Variants in DOCK3 observed in about 807,000 individuals in gnomAD.
The protein encoded by DOCK3 is dedicator of cytokinesis 3.
Under a neutral mutation model 265.6 loss-of-function variants are expected in DOCK3, and 60 were observed. The ratio of observed to expected loss-of-function variants is 0.23; its 90% CI spans 0.18 to 0.28. DOCK3 has a LOEUF of 0.28. Among genes scored for constraint, DOCK3 ranks in the 10% least tolerant of loss-of-function variants. DOCK3 has a pLI of 1.00. For synonymous variants in DOCK3, 881 were observed against 938.0 expected (o/e 0.94, Z 1.11); for missense variants, 1,981 against 2,594.3 (o/e 0.76, Z 5.14).
At position 51,348,856 on chromosome 3, in the gene DOCK3, G is replaced by T. The variant is rs867351507; in HGVS notation, c.3920G>T (p.Trp1307Leu). 6.3e-7 allele frequency: 1 copy of T among 1,576,612 alleles called. No individual in the cohort carries two copies. Among genetic ancestry groups the T allele is most frequent in the Non-Finnish European group, 8.6e-7 (1 of 1,160,846 alleles). The change falls in exon 39 of 53, where the codon TGG becomes TTG. Residue 1307 changes from tryptophan to leucine, a missense_variant. By Grantham distance (61) the Trp-to-Leu change is moderately conservative. Coordinates refer to ENST00000266037, the MANE Select transcript of DOCK3 (RefSeq NM_004947.5). ...IIHYFNKGKS[W>L]EFGIPLCREL... is the part of the protein sequence containing the mutation. ...CTGTTTCTGTTTCTGACACAGAGCT[G>T]GGAGTTTGGGATCCCACTGTGCAGG...
intron 2 of DOCK3, among the ~76,000 whole-genome samples, chr3:50,785,784 T>C (rs957363408): frequency 3.3e-5 from 5 of 152,204 alleles, no homozygotes; most frequent in African/African-American, 7.2e-5. Context: ...TTTTTTGTTA[T>C]GTCCTATCCT....
chr3:51,279,234 A>T (rs1365908349), intron 26 of DOCK3, among the ~76,000 whole-genome samples: 1 of 152,166 alleles, frequency 6.6e-6, no homozygotes, highest in Non-Finnish European at 1.5e-5. Context: ...ACTGGGTGAT[A>T]AGAGCAAAAC....
At chr3:51,277,077 C>T (rs749149907) in intron 25 of DOCK3, among the ~76,000 whole-genome samples, 11 of 152,048 alleles carry the variant, frequency 7.2e-5, no homozygotes, top group African/African-American at 2.2e-4. Context: ...GCAGCAGTCC[C>T]GGCTGGCAAA....
At chr3:50,799,311 G>T (rs1483839546) in intron 2 of DOCK3, among the ~76,000 whole-genome samples, 1 of 152,076 alleles carries the variant, frequency 6.6e-6, no homozygotes, top group East Asian at 1.9e-4. Flanking sequence ...GGGTAGTATG[G>T]CCATTTCAAC....
intron 3 of DOCK3, among the ~76,000 whole-genome samples, chr3:50,887,189 C>T (rs201398999): frequency 8.6e-5 from 13 of 151,954 alleles, no homozygotes; most frequent in South Asian, 2.1e-4. Context: ...ATATCACCAC[C>T]GATCCCACAG....
At chr3:50,796,049 T>A (rs1400869447) in intron 2 of DOCK3, among the ~76,000 whole-genome samples, 1 of 152,040 alleles carries the variant, frequency 6.6e-6, no homozygotes, top group Non-Finnish European at 1.5e-5. Context: ...TGGTTATTTT[T>A]TTTTTTTTTC....
chr3:51,173,614 AT>A (rs968144265), intron 12 of DOCK3, among the ~76,000 whole-genome samples: 3 of 152,108 alleles, frequency 2.0e-5, no homozygotes, highest in Non-Finnish European at 4.4e-5. Flanking sequence ...TATTCTTGGG[AT>A]TTTTTTTAAG....
chr3:51,014,731 A>T (rs975855996), intron 5 of DOCK3, among the ~76,000 whole-genome samples: 4 of 152,082 alleles, frequency 2.6e-5, no homozygotes, highest in South Asian at 4.1e-4. Flanking sequence ...GAATCAGTAG[A>T]TTGCTTTGGG....
intron 14 of DOCK3, among the ~76,000 whole-genome samples, chr3:51,223,117 T>C (rs2090176139): frequency 6.6e-6 from 1 of 152,132 alleles, no homozygotes; most frequent in Non-Finnish European, 1.5e-5. Flanking sequence ...TTTAAAAAAT[T>C]TGTTTTGAAG....
intron 4 of DOCK3, among the ~76,000 whole-genome samples, chr3:50,927,653 G>A (rs762855393): frequency 7.9e-5 from 12 of 152,126 alleles, no homozygotes; most frequent in South Asian, 2.1e-4. Context: ...CCAAGTTGTC[G>A]TTTTTTCAGT....
At position 50,675,366 on chromosome 3, in the gene DOCK3, C is replaced by G. The variant is rs2033860453; in HGVS notation, c.37+66C>G. On this transcript the variant is annotated intron_variant, in intron 1 of 52. Transcript: ENST00000266037. The surrounding 1 kb of genome is among the most constrained non-coding windows in gnomAD (Gnocchi z 6.1). The stretch of plus-strand genomic sequence containing the variant: ...GGACGCGCCCAGCTCCCGGCCCCGC[C>G]TGGATTCGCATCCTCGTGCCCCCGC... 1 of 1,168,646 alleles carries G rather than the reference C, an allele frequency of 8.6e-7. No homozygotes were observed. The highest frequency in any genetic ancestry group is 1.1e-6 in the Non-Finnish European group (1 of 936,362). 72.4% of individuals were successfully genotyped at this position (1,168,646 alleles called of 1,614,324 possible).
intron 5 of DOCK3, among the ~76,000 whole-genome samples, chr3:51,037,166 A>G (rs1391521945): frequency 3.3e-5 from 5 of 152,122 alleles, no homozygotes; most frequent in Non-Finnish European, 4.4e-5. Flanking sequence ...TGTAAATAAT[A>G]TAGGTACAGT....
intron 10 of DOCK3, among the ~76,000 whole-genome samples, chr3:51,150,197 AT>A (rs1302855887): frequency 1.3e-5 from 2 of 151,770 alleles, no homozygotes; most frequent in Admixed American, 6.6e-5. Context: ...CCCCTTTTTC[AT>A]TTTTTATTAT....
At chr3:51,275,734 C>T (rs1043828744) in intron 25 of DOCK3, among the ~76,000 whole-genome samples, 1 of 152,014 alleles carries the variant, frequency 6.6e-6, no homozygotes, top group Admixed American at 6.6e-5. Flanking sequence ...CTTTAGGGGT[C>T]GGGTTTCAAC....
intron 5 of DOCK3, among the ~76,000 whole-genome samples, chr3:51,031,870 G>A (rs1304631951): frequency 6.6e-6 from 1 of 152,144 alleles, no homozygotes; most frequent in Non-Finnish European, 1.5e-5. Context: ...CCTTCCAGAG[G>A]ATGTAGCAAC....
Position 51,277,765 on chromosome 3 carries a change from A to G in DOCK3, c.2823+11A>G, listed in dbSNP as rs375025667. 2 of 1,608,134 alleles carry G rather than the reference A, an allele frequency of 1.2e-6. No individual in the cohort carries two copies. Among genetic ancestry groups the G allele is most frequent in the Non-Finnish European group, 8.5e-7 (1 of 1,177,770 alleles). Reference sequence around the variant, plus strand: ...ACAGCCGAGATCACTGTTAGTAACTAACATCCAGGTTTTCTTGCCTTCTTT... The same window carrying G: ...ACAGCCGAGATCACTGTTAGTAACTGACATCCAGGTTTTCTTGCCTTCTTT... On this transcript the variant is annotated intron_variant, in intron 26 of 52. Coordinates refer to ENST00000266037, the MANE Select transcript of DOCK3 (RefSeq NM_004947.5).
intron 12 of DOCK3, among the ~76,000 whole-genome samples, chr3:51,172,983 C>T (rs772845437): frequency 7.6e-4 from 116 of 152,232 alleles, no homozygotes; most frequent in Non-Finnish European, 1.5e-3. Flanking sequence ...CATGTTGTAA[C>T]CATTAACAAA....
chr3:50,882,719 G>A (rs1442918685), intron 3 of DOCK3, among the ~76,000 whole-genome samples: 1 of 152,200 alleles, frequency 6.6e-6, no homozygotes, highest in African/African-American at 2.4e-5. Context: ...AGATTCCTCA[G>A]GGGTCTAGAA....
At chr3:50,897,793 A>G (rs1385455165) in intron 4 of DOCK3, among the ~76,000 whole-genome samples, 7 of 125,168 alleles carry the variant, frequency 5.6e-5, no homozygotes, top group African/African-American at 2.2e-4. Context: ...TGATTTGTGT[A>G]TGTTGAACCA....
Sources: allele counts gnomAD v4.1 joint callset (sites outside exome capture counted in the v4.1 genomes callset), GRCh38; gene constraint gnomAD v4.1.1; non-coding constraint Gnocchi (gnomAD v3.1); transcripts MANE v1.5; gene names NCBI Gene and HGNC (gene_info 2026-07-23, HGNC 2026-07-21).